The following FAF1 variants were observed in gnomAD, a reference collection of about 807,000 sequenced individuals.
The protein encoded by FAF1 is Fas associated factor 1.
FAF1 carries 25 observed loss-of-function variants against 92.5 expected under a neutral mutation model. That is an observed-to-expected ratio of 0.27 (90% CI 0.20 to 0.38). FAF1 has a LOEUF of 0.38. Ranked by LOEUF, FAF1 falls within the 10% of genes least tolerant of loss-of-function variation. The pLI, the probability that FAF1 is intolerant of heterozygous loss-of-function variation, is 1.00. For synonymous variants in FAF1, 234 were observed against 273.2 expected, an observed-to-expected ratio of 0.86 and a Z score of 1.42; for missense variants, 636 against 793.3, an observed-to-expected ratio of 0.80 and a Z score of 2.38.
At chr1:50,936,743 G>A (rs372278182) in intron 1 of FAF1, among the ~76,000 whole-genome samples, 2 of 152,034 alleles carry the variant, frequency 1.3e-5, no homozygotes, top group Non-Finnish European at 2.9e-5. Flanking sequence ...CATGGGATGC[G>A]GTAGAGTGGA....
chr1:50,652,989 ATCT>A (rs781519415), intron 8 of FAF1, among the ~76,000 whole-genome samples: 6 of 152,330 alleles, frequency 3.9e-5, no homozygotes, highest in African/African-American at 4.8e-5. Flanking sequence ...GGTCTTAATT[ATCT>A]TCTTCTATTA....
intron 15 of FAF1, among the ~76,000 whole-genome samples, chr1:50,501,870 T>C (rs1366252957): frequency 6.6e-6 from 1 of 152,182 alleles, no homozygotes; most frequent in Non-Finnish European, 1.5e-5. Context: ...CCAAGACAAA[T>C]GACCATATTA....
At chr1:50,884,990 G>A (rs1288323458) in intron 1 of FAF1, among the ~76,000 whole-genome samples, 2 of 152,060 alleles carry the variant, frequency 1.3e-5, no homozygotes, top group Non-Finnish European at 2.9e-5. Context: ...TTTCTTTATG[G>A]TTGAATCTTG....
chr1:50,729,057 T>C (rs1463697831), intron 6 of FAF1, among the ~76,000 whole-genome samples: 1 of 80,404 alleles, frequency 1.2e-5, no homozygotes, highest in Non-Finnish European at 2.6e-5. Context: ...TATATATATA[T>C]ATTTTTTTTT....
intron 15 of FAF1, among the ~76,000 whole-genome samples, chr1:50,508,282 C>T (rs1647085281): frequency 6.6e-6 from 1 of 152,200 alleles, no homozygotes; most frequent in Non-Finnish European, 1.5e-5. Flanking sequence ...ATTGTTAACA[C>T]ATGAATGTTC....
intron 18 of FAF1, among the ~76,000 whole-genome samples, chr1:50,448,623 G>T (rs569277018): frequency 6.6e-6 from 1 of 152,298 alleles, no homozygotes; most frequent in South Asian, 2.1e-4. Context: ...AGGGCCTGCA[G>T]TGTCCAGCTA....
At chr1:50,884,927 C>A (rs993890688) in intron 1 of FAF1, among the ~76,000 whole-genome samples, 1 of 152,070 alleles carries the variant, frequency 6.6e-6, no homozygotes. Context: ...GCAGATTTTT[C>A]GTTACACCTT....
intron 6 of FAF1, among the ~76,000 whole-genome samples, chr1:50,736,350 A>G (rs1244850878): frequency 1.3e-5 from 2 of 152,260 alleles, no homozygotes; most frequent in African/African-American, 4.8e-5. Context: ...AGTTTGATTC[A>G]TTATGAAGTC....
intron 12 of FAF1, among the ~76,000 whole-genome samples, chr1:50,578,988 C>T (rs779404507): frequency 5.9e-5 from 9 of 152,092 alleles, no homozygotes; most frequent in Non-Finnish European, 7.4e-5. Flanking sequence ...ACATTTTTAT[C>T]AGTCCAGAGA....
chr1:50,636,379 C>CTTTTT lies in FAF1; in HGVS notation c.744+19058_744+19062dup, dbSNP rs1213567555. Reference sequence around the variant, plus strand: ...ATTTTCTCTTAGTTTGGGGCGTGTCCTTTTTTTTTTTTTTTTTTTTTTTTT... The same window carrying CTTTTT: ...ATTTTCTCTTAGTTTGGGGCGTGTCCTTTTTTTTTTTTTTTTTTTTTTTTTTTTTT... On this transcript the variant is annotated intron_variant, in intron 8 of 18. Transcript: ENST00000396153. Among the ~76,000 whole-genome samples the CTTTTT allele has an allele frequency of 7.0e-4, 56 of 79,884 alleles. 3 individuals carry two copies. Among genetic ancestry groups the CTTTTT allele is most frequent in the Admixed American group, 8.0e-4 (5 of 6,248 alleles). 52.4% of individuals were successfully genotyped at this position (79,884 alleles called of 152,430 possible). A position where few individuals can be genotyped will look rare whatever the true frequency, so the allele number is the denominator to read the frequency against.
chr1:50,890,863 T>C (rs1195628765), intron 1 of FAF1, among the ~76,000 whole-genome samples: 1 of 152,194 alleles, frequency 6.6e-6, no homozygotes, highest in Non-Finnish European at 1.5e-5. Context: ...CTGAGGATTA[T>C]CTTTGTGACG....
intron 4 of FAF1, among the ~76,000 whole-genome samples, chr1:50,762,823 G>A (rs1187956542): frequency 6.6e-6 from 1 of 152,020 alleles, no homozygotes; most frequent in African/African-American, 2.4e-5. Flanking sequence ...GGCAACAAAA[G>A]CCAAAATTGA....
intron 1 of FAF1, among the ~76,000 whole-genome samples, chr1:50,958,007 T>C (rs944739302): frequency 6.6e-6 from 1 of 152,156 alleles, no homozygotes; most frequent in Non-Finnish European, 1.5e-5. Context: ...ATGAAAAACT[T>C]AGGCAGGGCT....
At chr1:50,578,314 G>GT (rs1459519152) in intron 12 of FAF1, among the ~76,000 whole-genome samples, 1 of 152,126 alleles carries the variant, frequency 6.6e-6, no homozygotes, top group Non-Finnish European at 1.5e-5. Flanking sequence ...AGAAAATTTA[G>GT]TAAGAGTGCC....
chr1:50,740,614 G>A (rs1659344386), intron 5 of FAF1, among the ~76,000 whole-genome samples: 1 of 151,398 alleles, frequency 6.6e-6, no homozygotes, highest in South Asian at 2.1e-4. Context: ...CTTCTGTTTT[G>A]TTTGTTTGTT....
rs965119692 is a variant in FAF1 at position 50,439,304 on chromosome 1, T to C, written c.*2136A>G. The C allele has an allele frequency of 3.9e-5, 6 of 152,234 alleles. No homozygotes were observed. Among genetic ancestry groups the C allele is most frequent in the African/African-American group, 1.4e-4 (6 of 41,458 alleles). 9.4% of individuals were successfully genotyped at this position (152,234 alleles called of 1,614,324 possible). Reference sequence around the variant, plus strand: ...CTTTTGTCTGAAGCTTAGTAGACCATCATGTCCTGAGTGAACAGTGACAAT... The same window carrying C: ...CTTTTGTCTGAAGCTTAGTAGACCACCATGTCCTGAGTGAACAGTGACAAT... On this transcript the variant is annotated 3_prime_UTR_variant, in exon 19 of 19. Transcript: ENST00000396153.
chr1:50,797,677 C>A (rs1050283754), intron 3 of FAF1, among the ~76,000 whole-genome samples: 2 of 151,962 alleles, frequency 1.3e-5, no homozygotes, highest in Non-Finnish European at 2.9e-5. Context: ...AGAGCAAGAG[C>A]CTGTCTCCAA....
intron 7 of FAF1, among the ~76,000 whole-genome samples, chr1:50,678,912 C>T (rs1328641564): frequency 6.6e-6 from 1 of 151,156 alleles, no homozygotes; most frequent in Admixed American, 6.6e-5. Flanking sequence ...ATGGTGAAAC[C>T]CCATCTCTAC....
chr1:50,936,979 C>A (rs1169272244), intron 1 of FAF1, among the ~76,000 whole-genome samples: 1 of 151,786 alleles, frequency 6.6e-6, no homozygotes, highest in Non-Finnish European at 1.5e-5. Context: ...TAGGAGAAAA[C>A]CAATGGAGCA....
Sources: allele counts gnomAD v4.1 joint callset (sites outside exome capture counted in the v4.1 genomes callset), GRCh38; gene constraint gnomAD v4.1.1; transcripts MANE v1.5; gene names NCBI Gene and HGNC (gene_info 2026-07-23, HGNC 2026-07-21).